The following TXNDC16 variants were observed in gnomAD, a reference collection of about 807,000 sequenced individuals.
The protein encoded by TXNDC16 is thioredoxin domain-containing protein 16.
Under a neutral mutation model 85.6 loss-of-function variants are expected in TXNDC16, and 74 were observed. The observed-to-expected ratio is 0.86, with a 90% CI of 0.72 to 1.05. TXNDC16 has a LOEUF of 1.05. Ranked by LOEUF, TXNDC16 falls within the 50% of genes least tolerant of loss-of-function variation. TXNDC16 has a pLI of 0.00. For synonymous variants in TXNDC16, 335 were observed against 326.5 expected, an observed-to-expected ratio of 1.03 and a Z score of -0.28; for missense variants, 959 against 947.0, an observed-to-expected ratio of 1.01 and a Z score of -0.17.
intron 11 of TXNDC16, among the ~76,000 whole-genome samples, chr14:52,489,842 G>C (rs1227125898): frequency 2.0e-5 from 3 of 152,032 alleles, no homozygotes; most frequent in Non-Finnish European, 2.9e-5. Context: ...GTTTTATCTT[G>C]TTTATTTTTT....
chr14:52,451,571 T>C (rs2035413472), intron 18 of TXNDC16, among the ~76,000 whole-genome samples: 1 of 152,130 alleles, frequency 6.6e-6, no homozygotes, highest in Admixed American at 6.6e-5. Context: ...TGATACATTA[T>C]ATCAACACAA....
chr14:52,467,788 T>G (rs1233701326), intron 16 of TXNDC16, among the ~76,000 whole-genome samples: 1 of 152,192 alleles, frequency 6.6e-6, no homozygotes, highest in Admixed American at 6.5e-5. Flanking sequence ...CAGAGAGATA[T>G]TTCCATACCC....
At chr14:52,522,559 G>C (rs1184188222) in intron 6 of TXNDC16, among the ~76,000 whole-genome samples, 1 of 152,242 alleles carries the variant, frequency 6.6e-6, no homozygotes, top group Admixed American at 6.5e-5. Flanking sequence ...AGCAGCGGCA[G>C]TAACAGCTGG....
chr14:52,535,706 C>T (rs756825320), intron 6 of TXNDC16, among the ~76,000 whole-genome samples: 9 of 152,124 alleles, frequency 5.9e-5, no homozygotes, highest in African/African-American at 9.7e-5. Context: ...AAATACCAGG[C>T]CTGGAGATTC....
intron 16 of TXNDC16, among the ~76,000 whole-genome samples, chr14:52,468,932 C>CAT (rs1268905256): frequency 6.6e-6 from 1 of 150,914 alleles, no homozygotes; most frequent in Non-Finnish European, 1.5e-5. Flanking sequence ...TTATAGAAGA[C>CAT]ATACGTTATT....
At chr14:52,486,503 C>T (rs1369879097) in intron 12 of TXNDC16, among the ~76,000 whole-genome samples, 1 of 151,888 alleles carries the variant, frequency 6.6e-6, no homozygotes, top group Non-Finnish European at 1.5e-5. Flanking sequence ...GGCTGGAACA[C>T]ATGCTTCTTT....
rs541644680 is a variant in TXNDC16 at position 52,488,841 on chromosome 14, A to C, written c.985-355T>G. On this transcript the variant is annotated intron_variant, in intron 11 of 20. Coordinates refer to ENST00000281741, the MANE Select transcript of TXNDC16 (RefSeq NM_020784.3). The stretch of plus-strand genomic sequence containing the variant: ...AAGGCGAGACTCTGGGAAAAAAAAA[A>C]AAAAAAAACAAGTTTTACTTGTTTG... Among the ~76,000 whole-genome samples, 4 of 151,670 alleles carry C rather than the reference A, an allele frequency of 2.6e-5. No homozygotes were observed. The South Asian group carries it at 8.3e-4, about 31-fold the overall frequency.
intron 16 of TXNDC16, among the ~76,000 whole-genome samples, chr14:52,460,811 G>A (rs970993006): frequency 3.9e-5 from 6 of 152,060 alleles, no homozygotes; most frequent in South Asian, 2.1e-4. Flanking sequence ...TATTCAAAAC[G>A]TGAATGAAAG....
chr14:52,455,452 A>AT lies in TXNDC16; in HGVS notation c.1713dup (p.Tyr572IlefsTer25), dbSNP rs2035510767. 1 of 1,613,860 alleles carries AT rather than the reference A, an allele frequency of 6.2e-7. No homozygotes were observed. The highest frequency in any genetic ancestry group is 1.3e-5 in the African/African-American group (1 of 75,010). Reference sequence around the variant, plus strand: ...AGCAGGGCTGGAAGACTTGCAGCATATTTGGTTGACCTATGGAGAAAGGCA... The same window carrying AT: ...AGCAGGGCTGGAAGACTTGCAGCATATTTTGGTTGACCTATGGAGAAAGGCA... On this transcript the variant is annotated frameshift_variant, in exon 18 of 21. Coordinates refer to ENST00000281741, the MANE Select transcript of TXNDC16 (RefSeq NM_020784.3). LOFTEE classifies it high-confidence loss of function.
At chr14:52,467,237 C>G (rs1255711178) in intron 16 of TXNDC16, among the ~76,000 whole-genome samples, 1 of 152,008 alleles carries the variant, frequency 6.6e-6, no homozygotes, top group South Asian at 2.1e-4. Context: ...CACCAACACT[C>G]ATCCCATGCA....
chr14:52,455,544 T>C lies in TXNDC16; in HGVS notation c.1704-82A>G, dbSNP rs187065474. 8.7e-4 allele frequency: 1,313 copies of C among 1,517,664 alleles called. 2 individuals are homozygous for C. The highest frequency in any genetic ancestry group is 2.5e-3 in the East Asian group (111 of 43,900). 94.0% of individuals were successfully genotyped at this position (1,517,664 alleles called of 1,614,324 possible). ...GAAAATCTAGGCTAGGAGGTCACAG[T>C]GTGAGGCAGCAAATGGGAATTCCTA... On this transcript the variant is annotated intron_variant, in intron 17 of 20. Coordinates refer to ENST00000281741, the MANE Select transcript of TXNDC16 (RefSeq NM_020784.3).
At chr14:52,446,364 G>A (rs2035284137) in intron 18 of TXNDC16, among the ~76,000 whole-genome samples, 1 of 152,146 alleles carries the variant, frequency 6.6e-6, no homozygotes, top group African/African-American at 2.4e-5. Flanking sequence ...CGCCCACAGT[G>A]GGTGTATTTA....
intron 1 of TXNDC16, among the ~76,000 whole-genome samples, chr14:52,544,676 ATCTC>A (rs913051813): frequency 1.3e-4 from 20 of 152,058 alleles, no homozygotes; most frequent in African/African-American, 3.6e-4. Flanking sequence ...AGCACATAAT[ATCTC>A]TCTCTAACAA....
chr14:52,517,547 T>C (rs1188797368), intron 7 of TXNDC16, among the ~76,000 whole-genome samples: 1 of 152,088 alleles, frequency 6.6e-6, no homozygotes, highest in Non-Finnish European at 1.5e-5. Flanking sequence ...CTTAGCACCA[T>C]ATCTACCCAC....
intron 20 of TXNDC16, among the ~76,000 whole-genome samples, chr14:52,437,120 T>C (rs2035047435): frequency 6.6e-6 from 1 of 152,242 alleles, no homozygotes; most frequent in East Asian, 1.9e-4. Flanking sequence ...ATATCCATAC[T>C]ACAAATATAA....
At chr14:52,479,394 G>T (rs1311578524) in intron 14 of TXNDC16, among the ~76,000 whole-genome samples, 1 of 152,016 alleles carries the variant, frequency 6.6e-6, no homozygotes, top group East Asian at 1.9e-4. Context: ...CTGGTGATAT[G>T]ATTGTTTATC....
chr14:52,462,307 C>G lies in TXNDC16; in HGVS notation c.1619-5133G>C, dbSNP rs566491851. ...AACTCTTAGCCTCAAACATTCCCCCCACCTCAGCTTCCTGAGTAGCTGGGA... is the reference window on the plus strand; with the variant it reads ...AACTCTTAGCCTCAAACATTCCCCCGACCTCAGCTTCCTGAGTAGCTGGGA... On this transcript the variant is annotated intron_variant, in intron 16 of 20. Coordinates refer to ENST00000281741, the MANE Select transcript of TXNDC16 (RefSeq NM_020784.3). 3.9e-5 allele frequency among the ~76,000 whole-genome samples: 6 copies of G among 152,346 alleles called. No homozygotes were observed. The East Asian group carries it at 5.8e-4, about 15-fold the overall frequency.
chr14:52,545,221 T>C (rs573235522), intron 1 of TXNDC16, among the ~76,000 whole-genome samples: 4 of 152,288 alleles, frequency 2.6e-5, no homozygotes, highest in Admixed American at 6.5e-5. Context: ...TAACATATTA[T>C]TACTCTTTTC....
chr14:52,552,194 G>C (rs1048814364), intron 1 of TXNDC16, 122 bp downstream of exon 1: 2 of 152,300 alleles, frequency 1.3e-5, no homozygotes, highest in African/African-American at 4.8e-5. Flanking sequence ...CCCCAGAGAC[G>C]GGTGTCTTAA....
Sources: allele counts gnomAD v4.1 joint callset (sites outside exome capture counted in the v4.1 genomes callset), GRCh38; gene constraint gnomAD v4.1.1; transcripts MANE v1.5; gene names NCBI Gene and HGNC (gene_info 2026-07-23, HGNC 2026-07-21).